Variants in ZNF649 observed in about 807,000 individuals in gnomAD.
The protein encoded by ZNF649 is zinc finger protein 649.
In ZNF649, 7 loss-of-function variants were observed where a neutral mutation model predicts 14.1. The ratio of observed to expected loss-of-function variants is 0.49; its 90% CI spans 0.28 to 0.93. ZNF649 has a LOEUF of 0.93. ZNF649 is among the 40% of genes least tolerant of loss of function. The probability of loss-of-function intolerance (pLI) is 0.10; values close to 1 mark genes in which losing one functional copy is unlikely to be tolerated. For synonymous variants in ZNF649, 227 were observed against 212.3 expected, an observed-to-expected ratio of 1.07 and a Z score of -0.60; for missense variants, 544 against 608.1, an observed-to-expected ratio of 0.89 and a Z score of 1.11.
intron 2 of ZNF649, chr19:51,897,296 AG>A (rs1214333861): frequency 4.7e-6 from 1 of 210,976 alleles, no homozygotes; most frequent in Admixed American, 5.2e-5. Context: ...CTGTATTCCT[AG>A]TTTTTTAAAT....
At position 51,891,641 on chromosome 19, in the gene ZNF649, G is replaced by C. The variant is rs748648005; in HGVS notation, c.495C>G (p.Phe165Leu). The C allele has an allele frequency of 2.1e-5, 34 of 1,614,222 alleles. No homozygotes were observed. The highest frequency in any genetic ancestry group is 2.8e-5 in the Non-Finnish European group (33 of 1,180,044). The change falls in exon 5 of 5, where the codon TTC (phenylalanine) becomes TTG (leucine). Residue 165 changes from phenylalanine to leucine, a missense_variant. By Grantham distance (22) the Phe-to-Leu change is conservative. Coordinates refer to ENST00000354957, the MANE Select transcript of ZNF649 (RefSeq NM_023074.4). This position sits in a 1 kb window ranked among gnomAD's most constrained non-coding sequence, Gnocchi z 4.2. ...SRKPISTKSQFLKHQQTHNIE... is the reference protein window; with the variant it reads ...SRKPISTKSQLLKHQQTHNIE... ...TGTTGTGTGTTTGCTGATGTTTAAG[G>C]AATTGTGACTTGGTGCTGATGGGTT... is the stretch of plus-strand genomic sequence containing the variant.
rs2085020589 is a variant in ZNF649, at chr19:51,891,311, A to C, written c.825T>G (p.Ser275=). The change falls in exon 5 of 5, where the codon TCT becomes TCG. Residue 275 remains serine (S), a synonymous_variant. Transcript: ENST00000354957. This position sits in a 1 kb window ranked among gnomAD's most constrained non-coding sequence, Gnocchi z 4.2. Reference sequence around the variant, plus strand: ...GAATCCTTTGATGTTCAGTAAGCTCAGATTTCCTGGGGAAGGCTTTCCCAC... The same window carrying C: ...GAATCCTTTGATGTTCAGTAAGCTCCGATTTCCTGGGGAAGGCTTTCCCAC... ...SECGKAFPRK[S]ELTEHQRIHT... The C allele has an allele frequency of 6.2e-7, 1 of 1,613,672 alleles. No homozygotes were observed. Among genetic ancestry groups the C allele is most frequent in the African/African-American group, 1.3e-5 (1 of 74,882 alleles).
chr19:51,891,615 A>G lies in ZNF649; in HGVS notation c.521T>C (p.Ile174Thr), dbSNP rs1261502244. 3 of 1,614,024 alleles carry G rather than the reference A, an allele frequency of 1.9e-6. No individual in the cohort carries two copies. The highest frequency in any genetic ancestry group is 1.1e-5 in the South Asian group (1 of 91,084). Reference sequence around the variant, plus strand: ...GTCAGTGCATTCATGGGCTTTCTCTATGTTGTGTGTTTGCTGATGTTTAAG... The same window carrying G: ...GTCAGTGCATTCATGGGCTTTCTCTGTGTTGTGTGTTTGCTGATGTTTAAG... ...QFLKHQQTHN[I>T]EKAHECTDCG... is the part of the protein sequence containing the mutation. Residue 174 changes from isoleucine (I) to threonine (T), a missense_variant, in exon 5 of 5, where the codon ATA (isoleucine) becomes ACA (threonine). Transcript: ENST00000354957. The surrounding 1 kb of genome is among the most constrained non-coding windows in gnomAD (Gnocchi z 4.2).
Position 51,896,735 on chromosome 19 carries a change from C to T in ZNF649, c.142+117G>A, listed in dbSNP as rs562278818. On this transcript the variant is annotated intron_variant, in intron 3 of 4. Coordinates refer to ENST00000354957, the MANE Select transcript of ZNF649 (RefSeq NM_023074.4). ...ATGCCTCTTCCTGTGGGACCAGAGA[C>T]GGGCCTGAGGATCTGCCATTTGGGA... 129 of 1,603,270 alleles carry T rather than the reference C, an allele frequency of 8.0e-5. 2 individuals are homozygous for T. In the East Asian group the frequency reaches 8.7e-4, roughly 11 times the overall value.
In ZNF649 at chr19:51,895,784, T is replaced by C. The variant is rs541512026; in HGVS notation, c.238+688A>G. On this transcript the variant is annotated intron_variant, in intron 4 of 4. Coordinates refer to ENST00000354957, the MANE Select transcript of ZNF649 (RefSeq NM_023074.4). The stretch of plus-strand genomic sequence containing the variant: ...ATATATATAAATGTATATACACACA[T>C]ACACACACACATACACATATATACA... Among the ~76,000 whole-genome samples the C allele has an allele frequency of 8.6e-5, 13 of 151,882 alleles. No individual in the cohort carries two copies. The South Asian group carries it at 2.5e-3, about 29-fold the overall frequency.
intron 2 of ZNF649, chr19:51,897,309 T>C (rs138490500): frequency 9.1e-4 from 180 of 198,596 alleles, no homozygotes; most frequent in African/African-American, 4.2e-3. Flanking sequence ...TTTTTAAATA[T>C]ACTGTGAAAG....
rs572902745 is a variant in ZNF649, at chr19:51,889,491, T to G, written c.*1127A>C. On this transcript the variant is annotated 3_prime_UTR_variant, in exon 5 of 5. Coordinates refer to ENST00000354957, the MANE Select transcript of ZNF649 (RefSeq NM_023074.4). The stretch of plus-strand genomic sequence containing the variant: ...ATTTCCTGGTTTATGCATGGTCATC[T>G]CATTCTGTCTTCACATGGCAAAGAG... The G allele has an allele frequency of 1.3e-5, 2 of 152,226 alleles. No homozygotes were observed. The highest frequency in any genetic ancestry group is 2.9e-5 in the Non-Finnish European group (2 of 68,038). The allele number at this position is 152,226 out of a possible 1,614,324, so 9.4% of individuals were successfully genotyped here. A position where few individuals can be genotyped will look rare whatever the true frequency, so the allele number is the denominator to read the frequency against.
intron 4 of ZNF649, among the ~76,000 whole-genome samples, chr19:51,893,777 TTG>T: frequency 1.3e-5 from 2 of 152,344 alleles, no homozygotes; most frequent in South Asian, 4.1e-4. Context: ...TCTCTGAATT[TTG>T]TACTTATGTC....
chr19:51,897,983 A>G (rs909339886), intron 2 of ZNF649, among the ~76,000 whole-genome samples: 2 of 150,764 alleles, frequency 1.3e-5, no homozygotes, highest in African/African-American at 2.4e-5. Context: ...TTAGGTGGGC[A>G]TGGTGGCACC....
In ZNF649 at chr19:51,896,533, C is replaced by A; in HGVS notation, c.177G>T (p.Lys59Asn). ...YQAGKPDALT[K>N]LEQGEPLWTL... is the part of the protein sequence containing the mutation. The stretch of plus-strand genomic sequence containing the variant: ...TCCATAGTGGTTCTCCTTGTTCCAA[C>A]TTGGTGAGGGCATCAGGTTTGCCGG... Residue 59 changes from lysine (K) to asparagine (N), a missense_variant, in exon 4 of 5, where the codon AAG becomes AAT. Lys to Asn is a moderately conservative substitution (Grantham distance 94). Transcript: ENST00000354957. 1 of 1,614,142 alleles carries A rather than the reference C, an allele frequency of 6.2e-7. No homozygotes were observed. The highest frequency in any genetic ancestry group is 1.1e-5 in the South Asian group (1 of 91,082).
chr19:51,903,610 G>A (rs922783484), intron 1 of ZNF649, among the ~76,000 whole-genome samples: 16 of 152,198 alleles, frequency 1.1e-4, no homozygotes, highest in Non-Finnish European at 2.4e-4. Flanking sequence ...CCTGAGGTCA[G>A]GAGTTCAAGA....
At chr19:51,894,979 ATG>A (rs2085050757) in intron 4 of ZNF649, among the ~76,000 whole-genome samples, 1 of 152,228 alleles carries the variant, frequency 6.6e-6, no homozygotes, top group Non-Finnish European at 1.5e-5. Context: ...TGCTTAATAG[ATG>A]GAAAAGTATG....
At chr19:51,898,205 G>A (rs1226584953) in intron 2 of ZNF649, among the ~76,000 whole-genome samples, 4 of 151,682 alleles carry the variant, frequency 2.6e-5, no homozygotes, top group East Asian at 1.9e-4. Flanking sequence ...CCTAGAGTTC[G>A]ATGCTATGCT....
At chr19:51,903,518 T>C (rs1343480426) in intron 1 of ZNF649, among the ~76,000 whole-genome samples, 1 of 152,168 alleles carries the variant, frequency 6.6e-6, no homozygotes, top group Non-Finnish European at 1.5e-5. Flanking sequence ...ATACATTTCT[T>C]ATAAATCGTA....
intron 1 of ZNF649, among the ~76,000 whole-genome samples, chr19:51,904,521 T>TC (rs1320146493): frequency 6.6e-6 from 1 of 151,620 alleles, no homozygotes; most frequent in Non-Finnish European, 1.5e-5. Context: ...TTAACACACA[T>TC]CCCCGATTCA....
intron 3 of ZNF649, 110 bp downstream of exon 3, chr19:51,896,742 G>A: frequency 1.9e-6 from 3 of 1,608,454 alleles, no homozygotes; most frequent in South Asian, 2.2e-5. Flanking sequence ...AGACGGGCCT[G>A]AGGATCTGCC....
In ZNF649 at chr19:51,890,676, A is replaced by ATTTACCT; in HGVS notation, c.1459_1460insAGGTAAA (p.Met487LysfsTer14). ...CCCTGCCACCATTGCCACAGTTACC[A>ATTTACCT]TATTAACAGGGCTTTTCCCCTGCAC... On this transcript the variant is annotated frameshift_variant, in exon 5 of 5. Coordinates refer to ENST00000354957, the MANE Select transcript of ZNF649 (RefSeq NM_023074.4). LOFTEE classifies it high-confidence loss of function. 6.2e-7 allele frequency: 1 copy of ATTTACCT among 1,614,188 alleles called. No homozygotes were observed. Among genetic ancestry groups the ATTTACCT allele is most frequent in the Non-Finnish European group, 8.5e-7 (1 of 1,180,024 alleles).
chr19:51,898,293 T>G (rs187044779), intron 2 of ZNF649, among the ~76,000 whole-genome samples: 17 of 151,116 alleles, frequency 1.1e-4, no homozygotes, highest in Admixed American at 1.1e-3. Flanking sequence ...TCACATCATG[T>G]GCCACTCTGG....
In ZNF649 at chr19:51,890,627, C is replaced by T; in HGVS notation, c.1509G>A (p.Leu503=). 1 of 1,605,668 alleles carries T rather than the reference C, an allele frequency of 6.2e-7. No homozygotes were observed. The highest frequency in any genetic ancestry group is 8.5e-7 in the Non-Finnish European group (1 of 1,173,604). The change falls in exon 5 of 5, where the codon CTG becomes CTA. Residue 503 remains leucine, a synonymous_variant. Coordinates refer to ENST00000354957, the MANE Select transcript of ZNF649 (RefSeq NM_023074.4). ...AACAGCAAACTGTTTATCATGAATG[C>T]AGGATGTGGGCAAACTCACACTGCC... The part of the protein sequence containing the change: ...VAGQCEFAHI[L]HS
Sources: allele counts gnomAD v4.1 joint callset (sites outside exome capture counted in the v4.1 genomes callset), GRCh38; gene constraint gnomAD v4.1.1; non-coding constraint Gnocchi (gnomAD v3.1); transcripts MANE v1.5; gene names NCBI Gene and HGNC (gene_info 2026-07-23, HGNC 2026-07-21).